Variants in PCDH7 observed in about 807,000 individuals in gnomAD.
The protein encoded by PCDH7 is protocadherin-7.
A neutral mutation model predicts 58.9 loss-of-function variants in PCDH7; 17 were observed. The observed-to-expected ratio is 0.29, with a 90% CI of 0.20 to 0.43. The LOEUF (loss-of-function observed/expected upper bound fraction) is 0.43, where lower values mean the gene tolerates loss of function less well. PCDH7 is among the 20% of genes least tolerant of loss of function. The pLI is 1.00. For synonymous variants in PCDH7, 664 were observed against 616.4 expected (o/e 1.08, Z -1.14); for missense variants, 1,274 against 1,441.0 (o/e 0.88, Z 1.88).
intron 3 of PCDH7, among the ~76,000 whole-genome samples, chr4:31,077,196 A>C (rs879837220): frequency 4.6e-5 from 7 of 152,126 alleles, no homozygotes; most frequent in Non-Finnish European, 8.8e-5. Flanking sequence ...AGATCACCTG[A>C]GGTCAGGAGT....
chr4:30,722,107 T>A lies in PCDH7; in HGVS notation c.685T>A (p.Ser229Thr), dbSNP rs1225305894. 7.1e-7 allele frequency: 1 copy of A among 1,415,782 alleles called. No homozygotes were observed. The highest frequency in any genetic ancestry group is 1.5e-5 in the South Asian group (1 of 65,918). 87.7% of individuals were successfully genotyped at this position (1,415,782 alleles called of 1,614,324 possible). ...AGGCTCCAAGCGGCGGCTGGACGCA[T>A]CAGAGGGCGGCGGCGGCACCAACCC... The change falls in exon 1 of 2, where the codon TCA becomes ACA. Residue 229 changes from serine (S) to threonine (T), a missense_variant. Physicochemically the swap from Ser to Thr is moderately conservative, Grantham distance 58. This residue lies in a region of PCDH7 where 331 missense variants were observed against 303.2 expected (regional missense o/e 1.09). Transcript: ENST00000361762. This position sits in a 1 kb window ranked among gnomAD's most constrained non-coding sequence, Gnocchi z 7.6.
intron 3 of PCDH7, among the ~76,000 whole-genome samples, chr4:30,965,523 T>C (rs2109465652): frequency 6.6e-6 from 1 of 152,160 alleles, no homozygotes; most frequent in Non-Finnish European, 1.5e-5. Flanking sequence ...TTTCCCTCTA[T>C]AGATCACATG....
chr4:30,804,870 T>C (rs2109308865), intron 1 of PCDH7, among the ~76,000 whole-genome samples: 1 of 152,316 alleles, frequency 6.6e-6, no homozygotes, highest in Non-Finnish European at 1.5e-5. Context: ...CACCAAAACT[T>C]GTCTAAGTGT....
At chr4:30,840,632 G>A (rs564953374) in intron 1 of PCDH7, among the ~76,000 whole-genome samples, 3 of 152,054 alleles carry the variant, frequency 2.0e-5, no homozygotes, top group Non-Finnish European at 2.9e-5. Context: ...CCCCAACTAC[G>A]CAGAGGGCAA....
intron 1 of PCDH7, among the ~76,000 whole-genome samples, chr4:30,798,279 T>A (rs1017964350): frequency 2.6e-5 from 4 of 152,166 alleles, no homozygotes; most frequent in African/African-American, 9.7e-5. Context: ...GAACAATAAC[T>A]TTCATGACGG....
At chr4:31,080,870 C>T (rs752700968) in intron 3 of PCDH7, among the ~76,000 whole-genome samples, 1 of 152,118 alleles carries the variant, frequency 6.6e-6, no homozygotes, top group Non-Finnish European at 1.5e-5. Context: ...CAGTTTTCTC[C>T]ATACTGTTCT....
intron 1 of PCDH7, among the ~76,000 whole-genome samples, chr4:30,868,776 G>C (rs529406913): frequency 6.6e-6 from 1 of 152,028 alleles, no homozygotes. Context: ...AAGTAAAGCT[G>C]TCAGACCCTA....
chr4:30,797,120 C>G (rs1724885471), intron 1 of PCDH7, among the ~76,000 whole-genome samples: 1 of 151,846 alleles, frequency 6.6e-6, no homozygotes, highest in Admixed American at 6.6e-5. Flanking sequence ...GCCACCACGC[C>G]CGGCTAATTT....
chr4:30,920,284 A>G (rs763477863), exon 2 of PCDH7: 1 of 1,367,538 alleles, frequency 7.3e-7, no homozygotes, highest in Non-Finnish European at 9.8e-7. Context: ...CAGGGCCAAG[A>G]CTGGGTGCGC....
intron 2 of PCDH7, among the ~76,000 whole-genome samples, chr4:30,938,071 C>T (rs1358268892): frequency 1.3e-5 from 2 of 151,884 alleles, no homozygotes; most frequent in African/African-American, 4.8e-5. Context: ...GTGGTTAGGA[C>T]AATTCTCTTG....
At chr4:31,054,159 T>C (rs1756966522) in intron 3 of PCDH7, among the ~76,000 whole-genome samples, 1 of 151,536 alleles carries the variant, frequency 6.6e-6, no homozygotes, top group African/African-American at 2.4e-5. Flanking sequence ...GAGATGGGGG[T>C]TTCACCATGT....
intron 3 of PCDH7, among the ~76,000 whole-genome samples, chr4:30,995,647 G>A (rs1057210420): frequency 2.0e-5 from 3 of 152,154 alleles, no homozygotes; most frequent in African/African-American, 7.2e-5. Flanking sequence ...AGTCCAAAGT[G>A]TATCTCACTG....
chr4:30,851,113 G>A (rs1003969186), intron 1 of PCDH7, among the ~76,000 whole-genome samples: 13 of 152,106 alleles, frequency 8.5e-5, no homozygotes, highest in Middle Eastern at 3.4e-3. Context: ...CAGCTTTCCT[G>A]TAGACCCTGA....
exon 1 of PCDH7, chr4:30,724,575 C>T: frequency 6.2e-7 from 1 of 1,613,990 alleles, no homozygotes; most frequent in Non-Finnish European, 8.5e-7. Flanking sequence ...GCTGTCAAAC[C>T]AATAACAAGT....
chr4:31,042,516 G>T (rs571629220), intron 3 of PCDH7, among the ~76,000 whole-genome samples: 20 of 152,122 alleles, frequency 1.3e-4, no homozygotes, highest in African/African-American at 4.8e-4. Flanking sequence ...TTTATGAATC[G>T]TTTATGCAGA....
chr4:30,811,989 G>A (rs1048599633), intron 1 of PCDH7, among the ~76,000 whole-genome samples: 3 of 152,152 alleles, frequency 2.0e-5, no homozygotes, highest in East Asian at 3.9e-4. Flanking sequence ...TGCACAAGAC[G>A]CGGTCCTCAA....
intron 3 of PCDH7, among the ~76,000 whole-genome samples, chr4:31,063,465 G>A (rs1475599943): frequency 6.6e-6 from 1 of 151,610 alleles, no homozygotes; most frequent in Admixed American, 6.6e-5. Flanking sequence ...GGGCCTGACA[G>A]ATTGTTAGGA....
intron 3 of PCDH7, among the ~76,000 whole-genome samples, chr4:31,130,187 T>C (rs974473855): frequency 2.0e-5 from 3 of 152,148 alleles, no homozygotes. Context: ...CCTTTGATTA[T>C]AGTGCCAGAG....
chr4:30,808,633 G>A (rs1726572967), intron 1 of PCDH7, among the ~76,000 whole-genome samples: 1 of 151,986 alleles, frequency 6.6e-6, no homozygotes, highest in African/African-American at 2.4e-5. Context: ...ATATAACTGG[G>A]CTCTGAGTTG....
Sources: allele counts gnomAD v4.1 joint callset (sites outside exome capture counted in the v4.1 genomes callset), GRCh38; gene constraint gnomAD v4.1.1; regional missense constraint gnomAD v4.1.1; non-coding constraint Gnocchi (gnomAD v3.1); transcripts MANE v1.5; gene names NCBI Gene and HGNC (gene_info 2026-07-23, HGNC 2026-07-21).